ARHGAP24: variants seen among roughly 807,000 people sequenced by gnomAD.
The protein encoded by ARHGAP24 is rho GTPase-activating protein 24.
ARHGAP24 carries 50 observed loss-of-function variants against 76.4 expected under a neutral mutation model. That is an observed-to-expected ratio of 0.65 (90% CI 0.52 to 0.83). The LOEUF is 0.83. Among genes scored for constraint, ARHGAP24 ranks in the 40% least tolerant of loss-of-function variants. The pLI is 0.00. For synonymous variants in ARHGAP24, 345 were observed against 323.3 expected (o/e 1.07, Z -0.72); for missense variants, 930 against 914.2 (o/e 1.02, Z -0.22).
chr4:85,822,088 A>G (rs1401883622), intron 3 of ARHGAP24, among the ~76,000 whole-genome samples: 1 of 152,206 alleles, frequency 6.6e-6, no homozygotes, highest in Admixed American at 6.5e-5. Flanking sequence ...TTCCTTTGAA[A>G]TGTAGCCTTG....
intron 2 of ARHGAP24, among the ~76,000 whole-genome samples, chr4:85,711,367 A>G (rs1724520576): frequency 6.6e-6 from 1 of 152,162 alleles, no homozygotes; most frequent in African/African-American, 2.4e-5. Flanking sequence ...CGTACCCCTG[A>G]ACTTAAAACT....
rs1560734401 is a variant in ARHGAP24 at position 85,942,250 on chromosome 4, T to C, written c.576T>C (p.Cys192=). 2 of 1,614,016 alleles carry C rather than the reference T, an allele frequency of 1.2e-6. No individual in the cohort carries two copies. Among genetic ancestry groups the C allele is most frequent in the Non-Finnish European group, 1.7e-6 (2 of 1,179,978 alleles). The change falls in exon 5 of 10, where the codon TGT becomes TGC. Residue 192 remains cysteine (C), a synonymous_variant. Transcript: ENST00000395184. ...LVKELQDAFD[C]GEKPSFDSNT... ...AGGAGCTCCAAGATGCCTTTGACTG[T>C]GGGGAGAAGCCATCATTTGACAGGT...
intron 3 of ARHGAP24, among the ~76,000 whole-genome samples, chr4:85,788,744 A>G (rs1442807126): frequency 1.3e-5 from 2 of 152,156 alleles, no homozygotes; most frequent in Admixed American, 1.3e-4. Flanking sequence ...ACTCAAAAGG[A>G]TTGTTGCTTG....
intron 2 of ARHGAP24, among the ~76,000 whole-genome samples, chr4:85,650,262 C>T (rs1275797428): frequency 6.8e-6 from 1 of 147,426 alleles, no homozygotes; most frequent in Admixed American, 6.6e-5. Context: ...TTGGGCAAAA[C>T]TTTAGAAAAA....
At chr4:85,840,110 C>T (rs1654014813) in intron 3 of ARHGAP24, among the ~76,000 whole-genome samples, 1 of 151,146 alleles carries the variant, frequency 6.6e-6, no homozygotes, top group Admixed American at 6.6e-5. Flanking sequence ...CATGATCCAC[C>T]CACCTCACCC....
At chr4:85,992,555 T>G (rs1032151076) in intron 8 of ARHGAP24, among the ~76,000 whole-genome samples, 1 of 152,126 alleles carries the variant, frequency 6.6e-6, no homozygotes, top group African/African-American at 2.4e-5. Context: ...AAAGGTCCAT[T>G]TTCCCAAAAT....
chr4:85,603,148 G>T (rs527295587), intron 2 of ARHGAP24, among the ~76,000 whole-genome samples: 2 of 152,228 alleles, frequency 1.3e-5, no homozygotes, highest in African/African-American at 4.8e-5. Context: ...AGAAACTAAG[G>T]TTAGATTTTT....
chr4:85,894,838 G>A (rs1383184361), intron 3 of ARHGAP24, among the ~76,000 whole-genome samples: 1 of 151,632 alleles, frequency 6.6e-6, no homozygotes, highest in African/African-American at 2.4e-5. Context: ...TCACATGCCT[G>A]TAATCCCAGT....
chr4:85,735,686 C>T (rs1725581502), intron 3 of ARHGAP24, among the ~76,000 whole-genome samples: 1 of 152,122 alleles, frequency 6.6e-6, no homozygotes, highest in Non-Finnish European at 1.5e-5. Context: ...TCCTCTTTGT[C>T]CTGGAGCACT....
intron 3 of ARHGAP24, among the ~76,000 whole-genome samples, chr4:85,893,837 A>T (rs917942664): frequency 6.7e-6 from 1 of 149,810 alleles, no homozygotes; most frequent in Admixed American, 6.7e-5. Context: ...TTCTCAGTAA[A>T]CTATCGCAAG....
intron 9 of ARHGAP24, among the ~76,000 whole-genome samples, chr4:85,997,354 AATAG>A (rs879470059): frequency 0.023 from 3,209 of 139,124 alleles, 129 homozygotes; most frequent in African/African-American, 0.1. Flanking sequence ...AGAGATAGAT[AATAG>A]ATAGATGATA....
chr4:85,744,368 T>A (rs1047270340), intron 3 of ARHGAP24, among the ~76,000 whole-genome samples: 1 of 152,198 alleles, frequency 6.6e-6, no homozygotes, highest in Non-Finnish European at 1.5e-5. Flanking sequence ...CTATGAATTT[T>A]TAGGATTCTG....
At chr4:85,827,518 TTAGAG>T (rs1729781390) in intron 3 of ARHGAP24, among the ~76,000 whole-genome samples, 1 of 57,932 alleles carries the variant, frequency 1.7e-5, no homozygotes, top group Non-Finnish European at 4.0e-5. Context: ...GTGTGTGTGT[TTAGAG>T]AGAGAGAGAG....
intron 2 of ARHGAP24, among the ~76,000 whole-genome samples, chr4:85,684,768 T>C (rs528359866): frequency 6.6e-6 from 1 of 152,204 alleles, no homozygotes; most frequent in Non-Finnish European, 1.5e-5. Flanking sequence ...TTTATTTAGT[T>C]GTTAGTGTCT....
chr4:85,832,799 C>T (rs1730061051), intron 3 of ARHGAP24, among the ~76,000 whole-genome samples: 2 of 152,192 alleles, frequency 1.3e-5, no homozygotes, highest in South Asian at 4.1e-4. Context: ...CTTTGGTGTG[C>T]TTACATGCAC....
intron 3 of ARHGAP24, among the ~76,000 whole-genome samples, chr4:85,735,801 C>A (rs1452112883): frequency 6.6e-6 from 1 of 152,108 alleles, no homozygotes; most frequent in Non-Finnish European, 1.5e-5. Flanking sequence ...ATTTTTAGAG[C>A]AGTTTTAGGT....
chr4:85,972,596 G>A (rs1248360505), intron 6 of ARHGAP24, among the ~76,000 whole-genome samples: 2 of 151,874 alleles, frequency 1.3e-5, no homozygotes, highest in Non-Finnish European at 2.9e-5. Flanking sequence ...CAATACAATC[G>A]CCCATTTAAA....
At chr4:85,777,924 TTC>T (rs1377749766) in intron 3 of ARHGAP24, among the ~76,000 whole-genome samples, 21 of 152,196 alleles carry the variant, frequency 1.4e-4, no homozygotes, top group African/African-American at 4.8e-4. Flanking sequence ...GTTATGTTGC[TTC>T]TCTGTTTTAT....
chr4:85,610,855 A>C (rs1205719158), intron 2 of ARHGAP24, among the ~76,000 whole-genome samples: 1 of 152,160 alleles, frequency 6.6e-6, no homozygotes, highest in Non-Finnish European at 1.5e-5. Context: ...GTTAGGCTGC[A>C]TATTGAAGTA....
Sources: gnomAD v4.1 joint callset for allele counts (sites outside exome capture counted in the v4.1 genomes callset) on GRCh38, gnomAD v4.1.1 for gene constraint, MANE v1.5 for transcripts, NCBI Gene and HGNC (gene_info 2026-07-23, HGNC 2026-07-21) for gene names.